Variants in KLRG1 observed in about 807,000 individuals in gnomAD.
The protein encoded by KLRG1 is killer cell lectin like receptor G1.
Under a neutral mutation model 21.8 loss-of-function variants are expected in KLRG1, and 16 were observed. The observed-to-expected ratio is 0.73, with a 90% CI of 0.50 to 1.11. The LOEUF is 1.11. Ranked by LOEUF, KLRG1 falls within the 50% of genes most tolerant of loss-of-function variation. The pLI, the probability that KLRG1 is intolerant of heterozygous loss-of-function variation, is 0.00. For missense variants in KLRG1, 173 were observed against 218.3 expected, an observed-to-expected ratio of 0.79 and a Z score of 1.31; for synonymous variants, 69 against 75.9, an observed-to-expected ratio of 0.91 and a Z score of 0.47.
the KLRG1 span, among the ~76,000 whole-genome samples, chr12:9,178,795 G>A: frequency 6.6e-6 from 1 of 152,146 alleles, no homozygotes; most frequent in Non-Finnish European, 1.5e-5. Context: ...CCCACTGAAG[G>A]TCTTGGGACA....
the KLRG1 span, among the ~76,000 whole-genome samples, chr12:9,081,230 T>G: frequency 6.6e-6 from 1 of 151,930 alleles, no homozygotes; most frequent in Non-Finnish European, 1.5e-5. Context: ...CATGCAAAAA[T>G]AAGGTCATCC....
chr12:9,214,090 C>A, the KLRG1 span, among the ~76,000 whole-genome samples: 1 of 151,708 alleles, frequency 6.6e-6, no homozygotes, highest in Non-Finnish European at 1.5e-5. Flanking sequence ...AAAATATTAT[C>A]CTTTCCCCAT....
the KLRG1 span, among the ~76,000 whole-genome samples, chr12:9,108,923 G>A: frequency 2.0e-5 from 3 of 152,162 alleles, no homozygotes; most frequent in Non-Finnish European, 2.9e-5. Flanking sequence ...ATGATCTGTT[G>A]ATGATTGAAT....
chr12:9,068,107 G>A, the KLRG1 span: 71 of 1,494,764 alleles, frequency 4.7e-5, no homozygotes, highest in South Asian at 4.8e-4. Context: ...TTTACCCAGC[G>A]TTTTATGAAG....
chr12:9,166,675 T>C, the KLRG1 span, among the ~76,000 whole-genome samples: 1 of 152,248 alleles, frequency 6.6e-6, no homozygotes, highest in Non-Finnish European at 1.5e-5. Flanking sequence ...TTTAAATCAC[T>C]GTATGGAACT....
the KLRG1 span, among the ~76,000 whole-genome samples, chr12:9,105,788 C>T: frequency 1.3e-5 from 2 of 152,290 alleles, no homozygotes; most frequent in Admixed American, 6.5e-5. Context: ...ATTGTAGAAT[C>T]TTTAATACTT....
intron 1 of KLRG1, among the ~76,000 whole-genome samples, chr12:8,957,443 A>C (rs1054078450): frequency 6.6e-6 from 1 of 152,224 alleles, no homozygotes; most frequent in Admixed American, 6.5e-5. Context: ...CTTCTTCACA[A>C]TTTAACAGAT....
At chr12:9,093,607 C>A in the KLRG1 span, 23 of 1,252,516 alleles carry the variant, frequency 1.8e-5, no homozygotes, top group Admixed American at 9.3e-5. Context: ...GAAGACATTA[C>A]AATAAACATA....
intron 3 of KLRG1, among the ~76,000 whole-genome samples, chr12:9,007,024 C>T (rs1947492584): frequency 6.6e-6 from 1 of 152,076 alleles, no homozygotes; most frequent in African/African-American, 2.4e-5. Context: ...TCTGAGAGAA[C>T]AAAGTTATCA....
At chr12:9,156,801 A>G in the KLRG1 span, among the ~76,000 whole-genome samples, 2 of 152,138 alleles carry the variant, frequency 1.3e-5, no homozygotes, top group Admixed American at 6.6e-5. Context: ...GAAGGAATAT[A>G]TTTCTTCTTT....
intron 3 of KLRG1, among the ~76,000 whole-genome samples, chr12:8,998,857 C>T (rs967072999): frequency 6.6e-6 from 1 of 152,092 alleles, no homozygotes; most frequent in African/African-American, 2.4e-5. Context: ...TTTGAATTGA[C>T]ATACAGAATG....
chr12:8,961,972 G>T (rs1946389141), intron 1 of KLRG1, among the ~76,000 whole-genome samples: 1 of 152,122 alleles, frequency 6.6e-6, no homozygotes, highest in Admixed American at 6.5e-5. Flanking sequence ...TGTAGTCCCA[G>T]CTACACAGGA....
the KLRG1 span, among the ~76,000 whole-genome samples, chr12:9,206,125 C>G: frequency 6.6e-6 from 1 of 152,128 alleles, no homozygotes; most frequent in Non-Finnish European, 1.5e-5. Context: ...TTTCTGGTAT[C>G]TGGATGCTTC....
At chr12:9,062,433 T>A in the KLRG1 span, among the ~76,000 whole-genome samples, 2 of 137,256 alleles carry the variant, frequency 1.5e-5, no homozygotes, top group Non-Finnish European at 3.1e-5. Flanking sequence ...ATTTATATAT[T>A]GTATAAAAAA....
At chr12:9,085,152 A>G in the KLRG1 span, among the ~76,000 whole-genome samples, 4 of 152,108 alleles carry the variant, frequency 2.6e-5, no homozygotes, top group African/African-American at 9.7e-5. Flanking sequence ...AAAACGTTGA[A>G]CTTGACCAAC....
the KLRG1 span, chr12:9,076,701 T>C: frequency 1.3e-6 from 2 of 1,589,344 alleles, no homozygotes; most frequent in African/African-American, 2.7e-5. Flanking sequence ...ATTTTTGCCA[T>C]GCAGTTCTTG....
the KLRG1 span, among the ~76,000 whole-genome samples, chr12:9,164,702 A>G: frequency 3.9e-5 from 6 of 152,262 alleles, no homozygotes; most frequent in Non-Finnish European, 8.8e-5. Flanking sequence ...GTGTCACAAG[A>G]AAGATGATCT....
chr12:9,137,658 C>T, the KLRG1 span, among the ~76,000 whole-genome samples: 1 of 151,998 alleles, frequency 6.6e-6, no homozygotes, highest in Non-Finnish European at 1.5e-5. Flanking sequence ...AATCAATGAA[C>T]ATGGTATATA....
At chr12:9,208,793 G>A in the KLRG1 span, among the ~76,000 whole-genome samples, 1 of 151,996 alleles carries the variant, frequency 6.6e-6, no homozygotes, top group Non-Finnish European at 1.5e-5. Context: ...AGGGTTTTTG[G>A]GTTTTCTTTT....
Sources: allele counts gnomAD v4.1 joint callset (sites outside exome capture counted in the v4.1 genomes callset), GRCh38; gene constraint gnomAD v4.1.1; transcripts MANE v1.5; gene names NCBI Gene and HGNC (gene_info 2026-07-23, HGNC 2026-07-21).